TENM1: variants seen among roughly 807,000 people sequenced by gnomAD.
The protein encoded by TENM1 is teneurin-1.
TENM1 carries 35 observed loss-of-function variants against 174.8 expected under a neutral mutation model. The ratio of observed to expected loss-of-function variants is 0.20; its 90% CI spans 0.15 to 0.27. The LOEUF (loss-of-function observed/expected upper bound fraction) is 0.27. Among genes scored for constraint, TENM1 ranks in the 10% least tolerant of loss-of-function variants. The pLI is 1.00. For synonymous variants in TENM1, 781 were observed against 798.7 expected (o/e 0.98, Z 0.37); for missense variants, 1,633 against 2,130.1 (o/e 0.77, Z 4.59).
the TENM1 span, among the ~76,000 whole-genome samples, chrX:125,053,105 CTG>C: frequency 5.4e-5 from 6 of 111,877 alleles, no homozygotes; most frequent in East Asian, 1.4e-3. Context: ...CAGAAAGAGA[CTG>C]TGAGAATCTT....
intron 3 of TENM1, among the ~76,000 whole-genome samples, chrX:124,846,964 A>G (rs2056621253): frequency 8.9e-6 from 1 of 112,120 alleles, no homozygotes; most frequent in South Asian, 3.7e-4. Flanking sequence ...AAACACTGAA[A>G]TAAGTATTTT....
intron 18 of TENM1, among the ~76,000 whole-genome samples, chrX:124,510,512 T>C (rs1389578680): frequency 8.9e-6 from 1 of 111,830 alleles, no homozygotes; most frequent in Non-Finnish European, 1.9e-5. Flanking sequence ...CAAAAGTATC[T>C]GGTTTGAATG....
intron 5 of TENM1, among the ~76,000 whole-genome samples, chrX:124,677,164 C>T (rs1439395269): frequency 9.0e-6 from 1 of 111,007 alleles, no homozygotes; most frequent in Non-Finnish European, 1.9e-5. Context: ...AATATGGCTA[C>T]TCTAAAACTT....
chrX:124,624,466 TA>T (rs748612666), intron 11 of TENM1, among the ~76,000 whole-genome samples: 24 of 112,306 alleles, frequency 2.1e-4, no homozygotes, highest in African/African-American at 7.4e-4. Context: ...CTGGCTTGGT[TA>T]AAAACTCACT....
intron 3 of TENM1, among the ~76,000 whole-genome samples, chrX:124,754,900 A>T (rs1220521178): frequency 9.4e-6 from 1 of 105,975 alleles, no homozygotes; most frequent in Non-Finnish European, 1.9e-5. Flanking sequence ...GGAGAGCTTT[A>T]CTTCCAACTA....
the TENM1 span, among the ~76,000 whole-genome samples, chrX:125,075,231 T>C: frequency 1.8e-5 from 2 of 111,849 alleles, no homozygotes; most frequent in African/African-American, 6.5e-5. Flanking sequence ...GATTGTACAA[T>C]AGGTTTGCAC....
At chrX:124,961,307 T>C (rs5958634) in intron 1 of TENM1, among the ~76,000 whole-genome samples, 3,808 of 111,630 alleles carry the variant, frequency 0.034, 166 homozygotes, top group African/African-American at 0.12. Flanking sequence ...CCCATCTTTA[T>C]TGAGTATACA....
At chrX:125,081,761 G>A in the TENM1 span, among the ~76,000 whole-genome samples, 1 of 111,272 alleles carries the variant, frequency 9.0e-6, no homozygotes, top group Non-Finnish European at 1.9e-5. Context: ...ATCAACAGAC[G>A]ATTTGATGAA....
chrX:124,930,091 TTC>T (rs1158073172), intron 1 of TENM1, among the ~76,000 whole-genome samples: 2 of 109,804 alleles, frequency 1.8e-5, no homozygotes, highest in African/African-American at 6.7e-5. Context: ...TTTATCTTGC[TTC>T]TTCTTCCCCG....
chrX:124,385,612 T>C (rs1603244970), intron 29 of TENM1, 65 bp downstream of exon 32: 2 of 1,042,329 alleles, frequency 1.9e-6, no homozygotes, highest in East Asian at 6.1e-5. Context: ...CACACTGTGG[T>C]CAGTAAAAAT....
At chrX:125,002,254 T>C in the TENM1 span, among the ~76,000 whole-genome samples, 3 of 111,621 alleles carry the variant, frequency 2.7e-5, no homozygotes, top group Non-Finnish European at 5.7e-5. Flanking sequence ...ATTGGGCTCC[T>C]ATAGCACCCT....
At chrX:124,647,041 C>G (rs771001357) in intron 8 of TENM1, among the ~76,000 whole-genome samples, 1 of 110,531 alleles carries the variant, frequency 9.0e-6, no homozygotes, top group East Asian at 2.8e-4. Flanking sequence ...AGAGTGGAAC[C>G]AAAAAACATC....
chrX:124,817,959 G>A lies in TENM1; in HGVS notation c.535+76337C>T, dbSNP rs1342398989. ...AATTGATGCTTGGAGTTTCATCTGG[G>A]GCCCTGAGAAAATCTTCAATCAGCT... On this transcript the variant is annotated intron_variant, in intron 3 of 31. Transcript: ENST00000422452. Among the ~76,000 whole-genome samples the A allele has an allele frequency of 6.3e-5, 7 of 110,704 alleles. No homozygotes were observed. The Admixed American group carries it at 6.7e-4, about 11-fold the overall frequency.
At chrX:125,007,059 G>A in the TENM1 span, among the ~76,000 whole-genome samples, 338 of 111,869 alleles carry the variant, frequency 3.0e-3, no homozygotes, top group African/African-American at 0.011. Flanking sequence ...GCTTCAGAAG[G>A]TGGGTAATAA....
the TENM1 span, among the ~76,000 whole-genome samples, chrX:125,183,541 A>C: frequency 8.9e-6 from 1 of 111,958 alleles, no homozygotes; most frequent in Non-Finnish European, 1.9e-5. Context: ...GTACAGAGAG[A>C]TGCTTGACCT....
At chrX:124,661,497 T>C (rs1382750997) in intron 6 of TENM1, among the ~76,000 whole-genome samples, 1 of 111,954 alleles carries the variant, frequency 8.9e-6, no homozygotes, top group Admixed American at 9.5e-5. Context: ...TTTTAGAATG[T>C]GTGATTGGTA....
intron 20 of TENM1, among the ~76,000 whole-genome samples, chrX:124,491,951 T>G (rs1169271517): frequency 8.9e-6 from 1 of 111,761 alleles, no homozygotes; most frequent in African/African-American, 3.3e-5. Context: ...GGCTGAGAGC[T>G]ACACATCTGT....
intron 22 of TENM1, among the ~76,000 whole-genome samples, chrX:124,454,292 G>T (rs2061077820): frequency 9.0e-6 from 1 of 111,565 alleles, no homozygotes; most frequent in Non-Finnish European, 1.9e-5. Flanking sequence ...CTTAGCTAAA[G>T]TGATCTACTG....
intron 1 of TENM1, among the ~76,000 whole-genome samples, chrX:124,948,493 A>G (rs982139710): frequency 8.8e-6 from 1 of 113,040 alleles, no homozygotes; most frequent in African/African-American, 3.2e-5. Context: ...ATTTTAATCA[A>G]TACTCTTTCA....
Sources: allele counts gnomAD v4.1 joint callset (sites outside exome capture counted in the v4.1 genomes callset), GRCh38; gene constraint gnomAD v4.1.1; transcripts MANE v1.5; gene names NCBI Gene and HGNC (gene_info 2026-07-23, HGNC 2026-07-21).